CDH6: variants seen among roughly 807,000 people sequenced by gnomAD.
CDH6 encodes cadherin-6.
In CDH6, 31 loss-of-function variants were observed where a neutral mutation model predicts 78.0. The observed-to-expected ratio is 0.40, with a 90% CI of 0.30 to 0.54. The LOEUF (loss-of-function observed/expected upper bound fraction) is 0.54, where lower values mean the gene tolerates loss of function less well. Ranked by LOEUF, CDH6 falls within the 20% of genes least tolerant of loss-of-function variation. The pLI, the probability that CDH6 is intolerant of heterozygous loss-of-function variation, is 0.56. For synonymous variants in CDH6, 376 were observed against 368.8 expected (o/e 1.02, Z -0.23); for missense variants, 724 against 975.9 (o/e 0.74, Z 3.44).
intron 1 of CDH6, among the ~76,000 whole-genome samples, chr5:31,214,275 A>G (rs1383923061): frequency 6.6e-6 from 1 of 152,162 alleles, no homozygotes; most frequent in Non-Finnish European, 1.5e-5. Context: ...TTTCAGAATT[A>G]AATTCTGCAG....
intron 1 of CDH6, among the ~76,000 whole-genome samples, chr5:31,255,149 T>A (rs1742022292): frequency 6.6e-6 from 1 of 152,256 alleles, no homozygotes; most frequent in Non-Finnish European, 1.5e-5. Flanking sequence ...AGTGCTTGAT[T>A]TGATTACTTC....
intron 2 of CDH6, among the ~76,000 whole-genome samples, chr5:31,292,931 A>G (rs1042609798): frequency 4.0e-5 from 6 of 150,830 alleles, no homozygotes; most frequent in African/African-American, 7.3e-5. Flanking sequence ...GGTACCATCT[A>G]AAGGTATCAT....
chr5:31,243,407 G>A (rs1449370213), intron 1 of CDH6, among the ~76,000 whole-genome samples: 1 of 152,186 alleles, frequency 6.6e-6, no homozygotes. Context: ...ACAGGGGGTG[G>A]TTGGGGTTTC....
rs1406816633 is a variant in CDH6, at chr5:31,299,630, G to A, written c.810G>A (p.Gln270=). ...ACGACAACCCTCCCCGATTCCCCCA[G>A]AGTAGGAACATTTGATTGAATGAAT... The part of the protein sequence containing the change: ...DVNDNPPRFP[Q]STYQFKTPES... Residue 270 remains glutamine (Q), a splice_region_variant and synonymous_variant, in exon 5 of 12, where the codon CAG becomes CAA. Transcript: ENST00000265071. 2.5e-6 allele frequency: 4 copies of A among 1,605,144 alleles called. No homozygotes were observed. Among genetic ancestry groups the A allele is most frequent in the Non-Finnish European group, 3.4e-6 (4 of 1,173,340 alleles).
At position 31,324,709 on chromosome 5, in the gene CDH6, T is replaced by A. The variant is rs932833172; in HGVS notation, c.*1401T>A. 1 of 209,220 alleles carries A rather than the reference T, an allele frequency of 4.8e-6. No homozygotes were observed. Among genetic ancestry groups the A allele is most frequent in the Non-Finnish European group, 9.7e-6 (1 of 102,952 alleles). The allele number at this position is 209,220 out of a possible 1,614,324, so 13.0% of individuals were successfully genotyped here. On this transcript the variant is annotated 3_prime_UTR_variant, in exon 12 of 12. Coordinates refer to ENST00000265071, the MANE Select transcript of CDH6 (RefSeq NM_004932.4). ...GAAAAGTAATGTAAAATCCATCCAA[T>A]CTATTATTTCTCTAATTATGCAATT... is the stretch of plus-strand genomic sequence containing the variant.
chr5:31,257,944 T>G (rs1311451822), intron 1 of CDH6, among the ~76,000 whole-genome samples: 1 of 152,198 alleles, frequency 6.6e-6, no homozygotes, highest in Non-Finnish European at 1.5e-5. Context: ...GTTCTGCCAC[T>G]CACTAGCTAT....
chr5:31,275,227 T>G (rs1410160423), intron 2 of CDH6, among the ~76,000 whole-genome samples: 1 of 152,164 alleles, frequency 6.6e-6, no homozygotes, highest in African/African-American at 2.4e-5. Context: ...AGAGAGTACA[T>G]GTACAGGTTT....
intron 1 of CDH6, among the ~76,000 whole-genome samples, chr5:31,242,273 C>T (rs1171990906): frequency 6.6e-6 from 1 of 152,126 alleles, no homozygotes; most frequent in Non-Finnish European, 1.5e-5. Context: ...ACTATAAATT[C>T]AGTTTATGGA....
At chr5:31,231,140 T>C (rs1741301034) in intron 1 of CDH6, among the ~76,000 whole-genome samples, 1 of 152,184 alleles carries the variant, frequency 6.6e-6, no homozygotes, top group African/African-American at 2.4e-5. Flanking sequence ...CCTATAATGA[T>C]TTAGAGGCCA....
At position 31,313,492 on chromosome 5, in the gene CDH6, T is replaced by C. The variant is rs764292015; in HGVS notation, c.1390+38T>C. ...TAATACCGCTGCTGTCCCCTATTAATAGACTGAGTGTCCCAGCAAGGGCTG... is the reference window on the plus strand; with the variant it reads ...TAATACCGCTGCTGTCCCCTATTAACAGACTGAGTGTCCCAGCAAGGGCTG... On this transcript the variant is annotated intron_variant, in intron 8 of 11. Coordinates refer to ENST00000265071, the MANE Select transcript of CDH6 (RefSeq NM_004932.4). 1.3e-5 allele frequency: 21 copies of C among 1,577,214 alleles called. 1 individual carries two copies. In the South Asian group the frequency reaches 2.4e-4, roughly 18 times the overall value.
chr5:31,197,722 A>G (rs1203064953), intron 1 of CDH6, among the ~76,000 whole-genome samples: 2 of 152,210 alleles, frequency 1.3e-5, no homozygotes. Context: ...ACAGAAATGC[A>G]GCATATGGGC....
intron 1 of CDH6, among the ~76,000 whole-genome samples, chr5:31,247,481 G>T (rs115023107): frequency 0.013 from 1,967 of 152,244 alleles, 47 homozygotes; most frequent in African/African-American, 0.045. Context: ...CCCCCACATT[G>T]ACTGGAGAGG....
intron 2 of CDH6, among the ~76,000 whole-genome samples, chr5:31,280,208 C>T (rs937670825): frequency 7.2e-5 from 11 of 152,156 alleles, no homozygotes; most frequent in African/African-American, 2.2e-4. Flanking sequence ...TGGCAGGCTA[C>T]GAGTCATCAC....
At chr5:31,241,767 C>T (rs1245114072) in intron 1 of CDH6, among the ~76,000 whole-genome samples, 1 of 152,212 alleles carries the variant, frequency 6.6e-6, no homozygotes, top group Non-Finnish European at 1.5e-5. Context: ...GCTTTCTTCA[C>T]AGTCCACTAA....
At chr5:31,305,046 T>C (rs769688512) in intron 6 of CDH6, 128 bp from the exon 7 acceptor site, 13 of 940,746 alleles carry the variant, frequency 1.4e-5, no homozygotes, top group Admixed American at 2.4e-5. Context: ...ATCACACAAA[T>C]GTGTTTCTCT....
In CDH6 at chr5:31,323,002, A is replaced by G; in HGVS notation, c.2067A>G (p.Arg689=). The change falls in exon 12 of 12, where the codon CGA becomes CGG. Residue 689 remains arginine, a synonymous_variant. Transcript: ENST00000265071. ...AAGCCATAGAGGACAACAAATTACG[A>G]AGGGACATTGTGCCCGAAGCCCTTT... is the stretch of plus-strand genomic sequence containing the variant. ...NPEAIEDNKL[R]RDIVPEALFL... is the part of the protein sequence containing the mutation. The G allele has an allele frequency of 1.2e-6, 2 of 1,614,170 alleles. No individual in the cohort carries two copies. Among genetic ancestry groups the G allele is most frequent in the Non-Finnish European group, 1.7e-6 (2 of 1,180,034 alleles).
intron 5 of CDH6, among the ~76,000 whole-genome samples, chr5:31,301,174 T>A (rs185609795): frequency 9.2e-5 from 14 of 152,286 alleles, no homozygotes; most frequent in African/African-American, 3.1e-4. Flanking sequence ...AGTTTAAAAA[T>A]TTTTTTAACC....
intron 1 of CDH6, among the ~76,000 whole-genome samples, chr5:31,194,491 G>A (rs1172826098): frequency 6.6e-6 from 1 of 152,190 alleles, no homozygotes; most frequent in Non-Finnish European, 1.5e-5. Context: ...GGTAGAAGGA[G>A]CTAAAGAAAA....
chr5:31,195,486 G>T, intron 1 of CDH6, among the ~76,000 whole-genome samples: 2 of 152,094 alleles, frequency 1.3e-5, no homozygotes, highest in East Asian at 3.9e-4. Flanking sequence ...TTTACTTTGA[G>T]AGAGAGAAAA....
Sources: gnomAD v4.1 joint callset for allele counts (sites outside exome capture counted in the v4.1 genomes callset) on GRCh38, gnomAD v4.1.1 for gene constraint, MANE v1.5 for transcripts, NCBI Gene and HGNC (gene_info 2026-07-23, HGNC 2026-07-21) for gene names.